Variants in IRS1 observed in about 807,000 individuals in gnomAD.
IRS1 encodes the protein insulin receptor substrate 1.
Under a neutral mutation model 65.6 loss-of-function variants are expected in IRS1, and 34 were observed. That is an observed-to-expected ratio of 0.52 (90% CI 0.39 to 0.69). The LOEUF (loss-of-function observed/expected upper bound fraction) is 0.69, where lower values mean the gene tolerates loss of function less well. Among genes scored for constraint, IRS1 ranks in the 30% least tolerant of loss-of-function variants. The probability of loss-of-function intolerance (pLI) is 0.00; values close to 1 mark genes in which losing one functional copy is unlikely to be tolerated. For missense variants in IRS1, 1,641 were observed against 1,720.2 expected (o/e 0.95, Z 0.81); for synonymous variants, 699 against 683.5 (o/e 1.02, Z -0.35).
At chr2:226,759,085 ACT>A (rs1938862871) in intron 1 of IRS1, among the ~76,000 whole-genome samples, 13 of 152,324 alleles carry the variant, frequency 8.5e-5, no homozygotes, top group African/African-American at 3.1e-4. Flanking sequence ...AATATCCAAA[ACT>A]GCCTGTGTCC....
chr2:226,796,571 C>T lies in IRS1; in HGVS notation c.2168G>A (p.Gly723Asp). The T allele has an allele frequency of 6.2e-7, 1 of 1,613,922 alleles. No individual in the cohort carries two copies. Among genetic ancestry groups the T allele is most frequent in the Middle Eastern group, 1.6e-4 (1 of 6,062 alleles). Reference protein sequence around the residue: ...HPKPPVESSGGKLLPCTGDYM... With the variant: ...HPKPPVESSGDKLLPCTGDYM... ...GTCACCTGTGCAAGGTAAGAGCTTACCACCGCTGCTCTCCACTGGGGGTTT... is the reference window on the plus strand; with the variant it reads ...GTCACCTGTGCAAGGTAAGAGCTTATCACCGCTGCTCTCCACTGGGGGTTT... The change falls in exon 1 of 2, where the codon GGT (glycine) becomes GAT (aspartate). Residue 723 changes from glycine (G) to aspartate (D), a missense_variant. Gly to Asp is a moderately conservative substitution (Grantham distance 94). Around this residue, in one of 3 missense-constraint regions of IRS1, gnomAD observed 1,324 missense variants for 1,361.0 expected, o/e 0.97. Coordinates refer to ENST00000305123, the MANE Select transcript of IRS1 (RefSeq NM_005544.3).
intron 1 of IRS1, among the ~76,000 whole-genome samples, chr2:226,793,916 G>A (rs915197028): frequency 3.3e-5 from 5 of 152,138 alleles, no homozygotes; most frequent in South Asian, 2.1e-4. Context: ...TTTTTAATAC[G>A]GCATTAGCCA....
intron 1 of IRS1, among the ~76,000 whole-genome samples, chr2:226,793,743 C>G (rs1371655853): frequency 6.6e-6 from 1 of 152,176 alleles, no homozygotes; most frequent in Non-Finnish European, 1.5e-5. Flanking sequence ...ACAAGATAAT[C>G]AGTTTGTCAG....
At chr2:226,768,225 C>A (rs1436507727) in intron 1 of IRS1, among the ~76,000 whole-genome samples, 2 of 152,160 alleles carry the variant, frequency 1.3e-5, no homozygotes, top group Admixed American at 6.5e-5. Flanking sequence ...GCCCACCCTA[C>A]CCATTCTTCT....
At chr2:226,751,530 G>A (rs1022441286) in intron 1 of IRS1, among the ~76,000 whole-genome samples, 4 of 151,966 alleles carry the variant, frequency 2.6e-5, no homozygotes, top group Non-Finnish European at 5.9e-5. Flanking sequence ...TGATCTGCCC[G>A]CCTTGGCCTC....
intron 1 of IRS1, among the ~76,000 whole-genome samples, chr2:226,764,094 A>C (rs1263483012): frequency 1.3e-5 from 2 of 152,046 alleles, no homozygotes; most frequent in African/African-American, 2.4e-5. Flanking sequence ...TCCAAGAATC[A>C]TTTCCACTCA....
intron 1 of IRS1, among the ~76,000 whole-genome samples, chr2:226,787,958 T>C (rs1226927105): frequency 6.6e-6 from 1 of 150,988 alleles, no homozygotes; most frequent in Non-Finnish European, 1.5e-5. Context: ...ATATCCTTCC[T>C]AAAAGTAAAA....
chr2:226,743,589 G>A (rs559679143), intron 1 of IRS1, among the ~76,000 whole-genome samples: 6 of 152,210 alleles, frequency 3.9e-5, no homozygotes, highest in Non-Finnish European at 8.8e-5. Flanking sequence ...AAGACATGAA[G>A]GTAATATGAC....
At position 226,732,559 on chromosome 2, in the gene IRS1, T is replaced by C. The variant is rs1300481340; in HGVS notation, c.*3713A>G. ...ATCTATATATGTGTATATATATCTA[T>C]ATATGTGTGTATATATCTATATATT... is the stretch of plus-strand genomic sequence containing the variant. On this transcript the variant is annotated 3_prime_UTR_variant, in exon 2 of 2. Coordinates refer to ENST00000305123, the MANE Select transcript of IRS1 (RefSeq NM_005544.3). 1.3e-5 allele frequency: 2 copies of C among 149,580 alleles called. No individual in the cohort carries two copies. The highest frequency in any genetic ancestry group is 3.0e-5 in the Non-Finnish European group (2 of 67,574). 9.3% of individuals were successfully genotyped at this position (149,580 alleles called of 1,614,324 possible). A position where few individuals can be genotyped will look rare whatever the true frequency, so the allele number is the denominator to read the frequency against.
Position 226,797,728 on chromosome 2 carries a change from G to T in IRS1, c.1011C>A (p.Ser337=). ...GGCTGCCGTCCACCGAGGCTGGGCGGGACATGGTGCCTTCGCCGTCACTGG... is the reference window on the plus strand; with the variant it reads ...GGCTGCCGTCCACCGAGGCTGGGCGTGACATGGTGCCTTCGCCGTCACTGG... ...RASSDGEGTM[S]RPASVDGSPV... The change falls in exon 1 of 2, where the codon TCC becomes TCA. Residue 337 remains serine, a synonymous_variant. Coordinates refer to ENST00000305123, the MANE Select transcript of IRS1 (RefSeq NM_005544.3). The surrounding 1 kb of genome is among the most constrained non-coding windows in gnomAD (Gnocchi z 8.1). The T allele has an allele frequency of 6.3e-7, 1 of 1,597,782 alleles. No homozygotes were observed. Among genetic ancestry groups the T allele is most frequent in the Admixed American group, 1.7e-5 (1 of 59,710 alleles).
At chr2:226,760,020 G>A (rs1294223420) in intron 1 of IRS1, among the ~76,000 whole-genome samples, 1 of 152,088 alleles carries the variant, frequency 6.6e-6, no homozygotes, top group Non-Finnish European at 1.5e-5. Flanking sequence ...ATTTTTAGAA[G>A]TACAAAACAG....
Position 226,786,647 on chromosome 2 carries a change from A to AC in IRS1, c.*21+8341_*21+8342insG, listed in dbSNP as rs1574659554. 2.0e-5 allele frequency among the ~76,000 whole-genome samples: 3 copies of AC among 151,348 alleles called. No individual in the cohort carries two copies. In the East Asian group the frequency reaches 5.8e-4, roughly 29 times the overall value. On this transcript the variant is annotated intron_variant, in intron 1 of 1. Transcript: ENST00000305123. ...TTTTCACTCTCTACCTTAAAAAAAAAAAAACAAAAACAACAACAACAAAAA... is the reference window on the plus strand; with the variant it reads ...TTTTCACTCTCTACCTTAAAAAAAAACAAAACAAAAACAACAACAACAAAAA...
chr2:226,750,097 A>G (rs1229607421), intron 1 of IRS1, among the ~76,000 whole-genome samples: 1 of 152,036 alleles, frequency 6.6e-6, no homozygotes, highest in Non-Finnish European at 1.5e-5. Flanking sequence ...TAAAAATACA[A>G]AATTAGCTGG....
At chr2:226,769,763 T>C (rs975269504) in intron 1 of IRS1, among the ~76,000 whole-genome samples, 2 of 152,200 alleles carry the variant, frequency 1.3e-5, no homozygotes, top group Non-Finnish European at 2.9e-5. Flanking sequence ...CAGGTGCATA[T>C]AAAAATTAGT....
At chr2:226,782,758 T>G (rs1039838025) in intron 1 of IRS1, among the ~76,000 whole-genome samples, 2 of 152,224 alleles carry the variant, frequency 1.3e-5, no homozygotes, top group Non-Finnish European at 2.9e-5. Flanking sequence ...CCCAGCATTT[T>G]GGGAGGCCAA....
chr2:226,798,428 T>C lies in IRS1; in HGVS notation c.311A>G (p.Asp104Gly). ...AIAADSEAEQ[D>G]SWYQALLQLH... is the part of the protein sequence containing the mutation. ...CTGTAGGAGAGCCTGGTACCAGCTGTCTTGCTCGGCCTCGCTGTCCGCCGC... is the reference window on the plus strand; with the variant it reads ...CTGTAGGAGAGCCTGGTACCAGCTGCCTTGCTCGGCCTCGCTGTCCGCCGC... Residue 104 changes from aspartate (D) to glycine (G), a missense_variant, in exon 1 of 2, where the codon GAC becomes GGC. This residue lies in a region of IRS1 where 240 missense variants were observed against 229.6 expected (regional missense o/e 1.05). Transcript: ENST00000305123. This position sits in a 1 kb window ranked among gnomAD's most constrained non-coding sequence, Gnocchi z 9.4. 3 of 1,614,054 alleles carry C rather than the reference T, an allele frequency of 1.9e-6. No homozygotes were observed. Among genetic ancestry groups the C allele is most frequent in the Non-Finnish European group, 2.5e-6 (3 of 1,180,002 alleles).
In IRS1 at chr2:226,799,793, C is replaced by T. The variant is rs1939856112; in HGVS notation, c.-1055G>A. The T allele has an allele frequency of 1.0e-6, 1 of 991,796 alleles. No individual in the cohort carries two copies. Among genetic ancestry groups the T allele is most frequent in the Non-Finnish European group, 1.2e-6 (1 of 829,878 alleles). 61.4% of individuals were successfully genotyped at this position (991,796 alleles called of 1,614,324 possible). On this transcript the variant is annotated 5_prime_UTR_variant, in exon 1 of 2. Coordinates refer to ENST00000305123, the MANE Select transcript of IRS1 (RefSeq NM_005544.3). The surrounding 1 kb of genome is among the most constrained non-coding windows in gnomAD (Gnocchi z 6.1). Reference sequence around the variant, plus strand: ...GGAGGAGAAAAACACGTGACGGAGCCTCCGCGCTCGGCAGCCGGGCAGCCG... The same window carrying T: ...GGAGGAGAAAAACACGTGACGGAGCTTCCGCGCTCGGCAGCCGGGCAGCCG...
intron 1 of IRS1, among the ~76,000 whole-genome samples, chr2:226,789,174 C>T (rs536993524): frequency 6.6e-6 from 1 of 152,162 alleles, no homozygotes; most frequent in African/African-American, 2.4e-5. Context: ...TAAAAGGAAC[C>T]ATTTATATAC....
At chr2:226,769,412 G>C (rs957511654) in intron 1 of IRS1, among the ~76,000 whole-genome samples, 2 of 152,286 alleles carry the variant, frequency 1.3e-5, no homozygotes, top group African/African-American at 4.8e-5. Flanking sequence ...ACTGCCCGGA[G>C]TGTCTTCAGA....
Sources: allele counts gnomAD v4.1 joint callset (sites outside exome capture counted in the v4.1 genomes callset), GRCh38; gene constraint gnomAD v4.1.1; regional missense constraint gnomAD v4.1.1; non-coding constraint Gnocchi (gnomAD v3.1); transcripts MANE v1.5; gene names NCBI Gene and HGNC (gene_info 2026-07-23, HGNC 2026-07-21).